ANK1: variants seen among roughly 807,000 people sequenced by gnomAD.
ANK1 encodes the protein ankyrin 1.
Under a neutral mutation model 210.4 loss-of-function variants are expected in ANK1, and 51 were observed. That is an observed-to-expected ratio of 0.24 (90% CI 0.19 to 0.31). The LOEUF (loss-of-function observed/expected upper bound fraction) is 0.31. ANK1 is among the 10% of genes least tolerant of loss of function. The pLI is 1.00. For synonymous variants in ANK1, 967 were observed against 1,025.9 expected (o/e 0.94, Z 1.10); for missense variants, 2,051 against 2,504.4 (o/e 0.82, Z 3.86).
chr8:41,834,507 C>T (rs1387059567), intron 1 of ANK1, among the ~76,000 whole-genome samples: 2 of 152,218 alleles, frequency 1.3e-5, no homozygotes, highest in African/African-American at 4.8e-5. Flanking sequence ...ACCCAGGACA[C>T]AAGTCACCAC....
chr8:41,818,197 C>T (rs1803641067), intron 1 of ANK1, among the ~76,000 whole-genome samples: 1 of 152,182 alleles, frequency 6.6e-6, no homozygotes, highest in African/African-American at 2.4e-5. Context: ...CAAACCCATT[C>T]CTACAAATGT....
Position 41,690,564 on chromosome 8 carries a change from A to C in ANK1, c.3894T>G (p.Ser1298=). The change falls in exon 32 of 43, where the codon TCT becomes TCG. Residue 1298 remains serine (S), a synonymous_variant. Coordinates refer to ENST00000289734, the MANE Select transcript of ANK1 (RefSeq NM_000037.4). ...CTTTCTTCACAGGCACCAGGTTCCC[A>C]GAGAGTTCTGCAAACAGGGACATTC... ...LEGMSLFAEL[S]GNLVPVKKAA... is the part of the protein sequence containing the mutation. 6.2e-7 allele frequency: 1 copy of C among 1,613,872 alleles called. No individual in the cohort carries two copies. Among genetic ancestry groups the C allele is most frequent in the Non-Finnish European group, 8.5e-7 (1 of 1,179,904 alleles).
intron 42 of ANK1, 148 bp downstream of exon 42, chr8:41,661,282 G>C (rs1027071190): frequency 3.4e-5 from 42 of 1,229,484 alleles, no homozygotes; most frequent in Non-Finnish European, 4.5e-5. Context: ...AGCAGGGTTG[G>C]GAAGTGAGAA....
In ANK1 at chr8:41,680,565, CAAA is replaced by C. The variant is rs3063741; in HGVS notation, c.4537+3976_4537+3978del. Among the ~76,000 whole-genome samples, 112 of 123,514 alleles carry C rather than the reference CAAA, an allele frequency of 9.1e-4. 1 individual carries two copies. Among genetic ancestry groups the C allele is most frequent in the East Asian group, 6.4e-3 (28 of 4,348 alleles). 81.0% of individuals were successfully genotyped at this position (123,514 alleles called of 152,430 possible). On this transcript the variant is annotated intron_variant, in intron 37 of 42. Transcript: ENST00000289734. Reference sequence around the variant, plus strand: ...GGGCAACAAGGGTGAAACTCTATCTCAAAAAAAAAAAAAAAAAAAGTATGGATA... The same window carrying C: ...GGGCAACAAGGGTGAAACTCTATCTCAAAAAAAAAAAAAAAAGTATGGATA...
At chr8:41,754,748 T>C (rs1838674488) in intron 2 of ANK1, among the ~76,000 whole-genome samples, 1 of 152,224 alleles carries the variant, frequency 6.6e-6, no homozygotes, top group Non-Finnish European at 1.5e-5. Flanking sequence ...GTGGGTTTCA[T>C]GCAGGCATGG....
intron 1 of ANK1, among the ~76,000 whole-genome samples, chr8:41,764,529 A>T (rs1841310205): frequency 6.6e-6 from 1 of 152,226 alleles, no homozygotes; most frequent in African/African-American, 2.4e-5. Context: ...TCCAAGGCTC[A>T]TCCATTCCCA....
At chr8:41,801,717 C>T (rs113456943), upstream of ANK1, among the ~76,000 whole-genome samples, 782 of 152,172 alleles carry the variant, frequency 5.1e-3, 1 homozygote, top group Non-Finnish European at 8.4e-3. Context: ...TGTTGTTTGT[C>T]TTTTTCTTAT....
chr8:41,812,583 CA>C (rs1169522471), intron 1 of ANK1, among the ~76,000 whole-genome samples: 7 of 152,160 alleles, frequency 4.6e-5, no homozygotes, highest in African/African-American at 1.4e-4. Flanking sequence ...ATTTCCTTGA[CA>C]AAAAGACAGC....
At chr8:41,804,823 T>C (rs1850680306) in intron 1 of ANK1, among the ~76,000 whole-genome samples, 1 of 152,076 alleles carries the variant, frequency 6.6e-6, no homozygotes, top group Admixed American at 6.6e-5. Flanking sequence ...CAAAACACGG[T>C]GAAAACAGAG....
chr8:41,807,442 CAG>C lies in ANK1; in HGVS notation c.127-49307_127-49306del, dbSNP rs1468030776. ...CTCCCTTCAAGTCCAGCATTGGAAA[CAG>C]AGAGTCCGTACTGCCCTGTCTGTCG... is the stretch of plus-strand genomic sequence containing the variant. On this transcript the variant is annotated intron_variant, in intron 1 of 42. Coordinates refer to the ANK1 transcript ENST00000265709. Among the ~76,000 whole-genome samples the C allele has an allele frequency of 2.6e-5, 4 of 152,290 alleles. No homozygotes were observed. The South Asian group carries it at 6.2e-4, about 24-fold the overall frequency.
chr8:41,778,506 T>A (rs1318882130), intron 1 of ANK1, among the ~76,000 whole-genome samples: 5 of 152,216 alleles, frequency 3.3e-5, no homozygotes, highest in Admixed American at 3.3e-4. Context: ...GGCCGCTGTG[T>A]TCCAGAATCT....
chr8:41,836,520 C>A (rs1282658065), intron 1 of ANK1, among the ~76,000 whole-genome samples: 2 of 152,220 alleles, frequency 1.3e-5, no homozygotes, highest in East Asian at 3.9e-4. Context: ...GGTCCCCCTC[C>A]CCTGAGGTGG....
chr8:41,771,561 G>A lies in ANK1; in HGVS notation c.28-13424C>T, dbSNP rs78013343. 3.0e-3 allele frequency among the ~76,000 whole-genome samples: 451 copies of A among 152,326 alleles called. 3 individuals are homozygous for A. Among genetic ancestry groups the A allele is most frequent in the South Asian group, 5.0e-3 (24 of 4,826 alleles). On this transcript the variant is annotated intron_variant, in intron 1 of 42. Transcript: ENST00000289734. ...AAGGAATTGATGGGCTGAAGAAAAG[G>A]CTAAAGACTCTCGGCAGACACAGGC...
intron 1 of ANK1, among the ~76,000 whole-genome samples, chr8:41,862,158 G>T (rs544196070): frequency 2.6e-5 from 4 of 152,186 alleles, no homozygotes; most frequent in Non-Finnish European, 4.4e-5. Flanking sequence ...CATTATTTCT[G>T]CTTGAGGCAT....
chr8:41,785,726 C>T (rs1201620853), intron 1 of ANK1, among the ~76,000 whole-genome samples: 4 of 152,218 alleles, frequency 2.6e-5, no homozygotes, highest in African/African-American at 9.6e-5. Flanking sequence ...GCAGGAGTTG[C>T]CGAATTGATC....
intron 1 of ANK1, among the ~76,000 whole-genome samples, chr8:41,895,903 C>A (rs920080707): frequency 4.6e-5 from 7 of 150,568 alleles, no homozygotes; most frequent in South Asian, 2.2e-4. Flanking sequence ...GCAGAGCTGC[C>A]CCCCCCCGGC....
chr8:41,877,067 G>A (rs775815238), intron 1 of ANK1, among the ~76,000 whole-genome samples: 3 of 152,200 alleles, frequency 2.0e-5, no homozygotes, highest in Non-Finnish European at 4.4e-5. Flanking sequence ...GCCGAGGCGG[G>A]AGGATTGCTT....
chr8:41,785,565 T>C (rs1314737267), intron 1 of ANK1, among the ~76,000 whole-genome samples: 1 of 152,068 alleles, frequency 6.6e-6, no homozygotes, highest in Non-Finnish European at 1.5e-5. Flanking sequence ...GGGGATGAAA[T>C]GCGCTCCTGC....
At chr8:41,699,096 G>A (rs1490118195) in intron 23 of ANK1, among the ~76,000 whole-genome samples, 2 of 152,146 alleles carry the variant, frequency 1.3e-5, no homozygotes, top group East Asian at 1.9e-4. Flanking sequence ...ACCGCACCCG[G>A]CCATCTTCTT....
Sources: gnomAD v4.1 joint callset for allele counts (sites outside exome capture counted in the v4.1 genomes callset) on GRCh38, gnomAD v4.1.1 for gene constraint, MANE v1.5 for transcripts, NCBI Gene and HGNC (gene_info 2026-07-23, HGNC 2026-07-21) for gene names.